Variants in ARHGEF12 observed in about 807,000 individuals in gnomAD.
The protein encoded by ARHGEF12 is Rho guanine nucleotide exchange factor 12.
In ARHGEF12, 66 loss-of-function variants were observed where a neutral mutation model predicts 211.2. That is an observed-to-expected ratio of 0.31 (90% CI 0.26 to 0.38). The LOEUF is 0.38. Ranked by LOEUF, ARHGEF12 falls within the 10% of genes least tolerant of loss-of-function variation. The probability of loss-of-function intolerance (pLI) is 1.00; values close to 1 mark genes in which losing one functional copy is unlikely to be tolerated. For missense variants in ARHGEF12, 1,429 were observed against 1,869.5 expected (o/e 0.76, Z 4.34); for synonymous variants, 592 against 638.4 (o/e 0.93, Z 1.09).
intron 1 of ARHGEF12, among the ~76,000 whole-genome samples, chr11:120,368,730 T>C (rs1192930667): frequency 6.6e-6 from 1 of 152,202 alleles, no homozygotes; most frequent in East Asian, 1.9e-4. Flanking sequence ...TTTTTAATTT[T>C]AATTTTAATT....
In ARHGEF12 at chr11:120,473,035, C is replaced by T; in HGVS notation, c.2956-15C>T. On this transcript the variant is annotated splice_polypyrimidine_tract_variant and intron_variant, in intron 30 of 40. Transcript: ENST00000397843. The stretch of plus-strand genomic sequence containing the variant: ...CCAAAGCACTAACCTTGGTTCCACC[C>T]TGCCTAATTTTCAGCGCCTAGAAGA... 6.2e-7 allele frequency: 1 copy of T among 1,612,890 alleles called. No homozygotes were observed.
chr11:120,413,245 C>T (rs1393854592), intron 4 of ARHGEF12, among the ~76,000 whole-genome samples: 1 of 152,190 alleles, frequency 6.6e-6, no homozygotes, highest in Non-Finnish European at 1.5e-5. Context: ...TGAATTACCA[C>T]CTATAACTTA....
intron 27 of ARHGEF12, 39 bp downstream of exon 27, chr11:120,460,796 A>G (rs760057345): frequency 6.6e-7 from 1 of 1,523,858 alleles, no homozygotes; most frequent in Admixed American, 1.7e-5. Context: ...ATTTTTATGG[A>G]CACTTGATGG....
intron 1 of ARHGEF12, among the ~76,000 whole-genome samples, chr11:120,395,767 C>T (rs117017170): frequency 6.6e-6 from 1 of 152,068 alleles, no homozygotes; most frequent in Non-Finnish European, 1.5e-5. Context: ...AAGACCCCCC[C>T]CCTTCATGAT....
chr11:120,355,038 G>T (rs550004695), intron 1 of ARHGEF12, among the ~76,000 whole-genome samples: 1 of 152,264 alleles, frequency 6.6e-6, no homozygotes, highest in South Asian at 2.1e-4. Context: ...GCACTAAGGA[G>T]AACTTTGCTT....
At chr11:120,392,124 C>T (rs1273658839) in intron 1 of ARHGEF12, among the ~76,000 whole-genome samples, 1 of 152,156 alleles carries the variant, frequency 6.6e-6, no homozygotes, top group Non-Finnish European at 1.5e-5. Flanking sequence ...TTACTACTCT[C>T]TTGGTCATTT....
At chr11:120,407,291 G>T (rs1944732808) in intron 2 of ARHGEF12, among the ~76,000 whole-genome samples, 1 of 152,186 alleles carries the variant, frequency 6.6e-6, no homozygotes, top group Non-Finnish European at 1.5e-5. Context: ...TTAAAATGAG[G>T]CTTGCCTAAG....
chr11:120,448,757 A>G (rs1946120005), intron 20 of ARHGEF12: 1 of 280,614 alleles, frequency 3.6e-6, no homozygotes, highest in Non-Finnish European at 6.6e-6. Flanking sequence ...GTATGAGTAC[A>G]AGGACCTTCT....
At chr11:120,340,293 T>C (rs191448454) in intron 1 of ARHGEF12, among the ~76,000 whole-genome samples, 1 of 152,312 alleles carries the variant, frequency 6.6e-6, no homozygotes, top group East Asian at 1.9e-4. Context: ...CAGTAAATGA[T>C]TTCAGGCCAG....
intron 10 of ARHGEF12, among the ~76,000 whole-genome samples, 178 bp downstream of exon 10, chr11:120,430,009 ATTGT>A (rs1291138478): frequency 2.0e-5 from 3 of 152,144 alleles, no homozygotes; most frequent in Non-Finnish European, 4.4e-5. Context: ...TGGGCGTCTG[ATTGT>A]TTGCTTGCTC....
intron 1 of ARHGEF12, chr11:120,385,448 T>C: frequency 1.0e-6 from 1 of 985,394 alleles, no homozygotes; most frequent in Non-Finnish European, 1.2e-6. Context: ...ACGAGCCTTT[T>C]GAGCTTTTGC....
chr11:120,339,014 T>TC (rs1942447831), intron 1 of ARHGEF12, among the ~76,000 whole-genome samples: 2 of 149,752 alleles, frequency 1.3e-5, no homozygotes, highest in South Asian at 4.2e-4. Context: ...TCTTTTTTTT[T>TC]TTTTTTTTTG....
intron 22 of ARHGEF12, among the ~76,000 whole-genome samples, chr11:120,454,885 ACT>A (rs935084311): frequency 6.6e-6 from 1 of 152,128 alleles, no homozygotes; most frequent in African/African-American, 2.4e-5. Flanking sequence ...CTATAGGTGC[ACT>A]CTGTCACTTC....
intron 1 of ARHGEF12, among the ~76,000 whole-genome samples, chr11:120,395,056 C>CAAAAAAAAAAAAAAAAAAAAAAA (rs758953056): frequency 1.2e-4 from 4 of 34,612 alleles, no homozygotes; most frequent in Non-Finnish European, 1.9e-4. Flanking sequence ...GACTCTATCT[C>CAAAAAAAAAAAAAAAAAAAAAAA]AAAAAAAAAA....
chr11:120,401,063 T>G (rs1867174830), intron 1 of ARHGEF12, among the ~76,000 whole-genome samples: 1 of 152,202 alleles, frequency 6.6e-6, no homozygotes, highest in African/African-American at 2.4e-5. Context: ...ACTAGTGTTT[T>G]AATGCCAGCT....
Position 120,480,347 on chromosome 11 carries a change from G to C in ARHGEF12, c.4154G>C (p.Arg1385Pro), listed in dbSNP as rs758361324. ...AGTGGAGAGCACTTTTTTGATGCCCGTGAAGCACATAGTGATGAGAATCCA... is the reference window on the plus strand; with the variant it reads ...AGTGGAGAGCACTTTTTTGATGCCCCTGAAGCACATAGTGATGAGAATCCA... ...DDSGEHFFDA[R>P]EAHSDENPSE... Residue 1385 changes from arginine to proline, a missense_variant, in exon 38 of 41, where the codon CGT becomes CCT. Arg to Pro is a moderately radical substitution (Grantham distance 103, BLOSUM62 -2). Coordinates refer to ENST00000397843, the MANE Select transcript of ARHGEF12 (RefSeq NM_015313.3). The C allele has an allele frequency of 1.2e-6, 2 of 1,614,172 alleles. No homozygotes were observed. Among genetic ancestry groups the C allele is most frequent in the Non-Finnish European group, 1.7e-6 (2 of 1,180,030 alleles).
At chr11:120,350,946 G>A (rs1210357613) in intron 1 of ARHGEF12, among the ~76,000 whole-genome samples, 3 of 152,144 alleles carry the variant, frequency 2.0e-5, no homozygotes, top group Non-Finnish European at 1.5e-5. Context: ...GGAAACTGCA[G>A]TAGTTTGATT....
intron 28 of ARHGEF12, among the ~76,000 whole-genome samples, chr11:120,466,566 T>C: frequency 6.6e-6 from 1 of 152,204 alleles, no homozygotes. Flanking sequence ...ATGTTCATAC[T>C]CAAGGGCATA....
intron 30 of ARHGEF12, among the ~76,000 whole-genome samples, chr11:120,470,262 C>T (rs116507206): frequency 0.011 from 1,705 of 152,242 alleles, 32 homozygotes; most frequent in African/African-American, 0.039. Context: ...TGAAAGAGCC[C>T]ATTTATTAAC....
Sources: gnomAD v4.1 joint callset for allele counts (sites outside exome capture counted in the v4.1 genomes callset) on GRCh38, gnomAD v4.1.1 for gene constraint, MANE v1.5 for transcripts, NCBI Gene and HGNC (gene_info 2026-07-23, HGNC 2026-07-21) for gene names.